Variants in LPAR1 observed in about 807,000 individuals in gnomAD.
LPAR1 encodes lysophosphatidic acid receptor 1.
In LPAR1, 5 loss-of-function variants were observed where a neutral mutation model predicts 23.8. The observed-to-expected ratio is 0.21, with a 90% confidence interval of 0.11 to 0.44. LPAR1 has a LOEUF of 0.44. Among genes scored for constraint, LPAR1 ranks in the 20% least tolerant of loss-of-function variants. The pLI is 0.99. For missense variants in LPAR1, 311 were observed against 482.8 expected (o/e 0.64, Z 3.33); for synonymous variants, 160 against 164.7 (o/e 0.97, Z 0.22).
chr9:111,027,207 G>A (rs1288461228), intron 2 of LPAR1, among the ~76,000 whole-genome samples: 4 of 151,878 alleles, frequency 2.6e-5, no homozygotes, highest in East Asian at 1.9e-4. Context: ...ATTTCAGAAC[G>A]CTCCACCCCA....
intron 4 of LPAR1, among the ~76,000 whole-genome samples, chr9:110,948,911 AAG>A (rs2095479828): frequency 8.5e-6 from 1 of 117,196 alleles, no homozygotes; most frequent in African/African-American, 3.2e-5. Flanking sequence ...TGTGTAGATC[AAG>A]AAAAAAAAAA....
chr9:110,945,938 C>G (rs2095362124), intron 4 of LPAR1, among the ~76,000 whole-genome samples: 1 of 152,180 alleles, frequency 6.6e-6, no homozygotes, highest in Non-Finnish European at 1.5e-5. Flanking sequence ...CTCCCCATCT[C>G]AACATCTTTA....
chr9:110,966,615 T>C (rs1324497135), intron 4 of LPAR1, among the ~76,000 whole-genome samples: 1 of 151,740 alleles, frequency 6.6e-6, no homozygotes, highest in Non-Finnish European at 1.5e-5. Flanking sequence ...TATTTTAGAA[T>C]AAAATAATTT....
chr9:111,015,655 C>A (rs181537751), intron 2 of LPAR1, among the ~76,000 whole-genome samples: 1 of 151,978 alleles, frequency 6.6e-6, no homozygotes, highest in Non-Finnish European at 1.5e-5. Context: ...AGCAGAGTGG[C>A]TAGAGTCAAT....
chr9:110,932,631 A>G (rs2094477307), intron 5 of LPAR1, among the ~76,000 whole-genome samples: 2 of 152,384 alleles, frequency 1.3e-5, no homozygotes, highest in African/African-American at 4.8e-5. Flanking sequence ...GCAGGAGGTG[A>G]GCAGCAGATG....
chr9:110,909,228 T>C (rs1249046452), intron 5 of LPAR1, among the ~76,000 whole-genome samples: 1 of 152,242 alleles, frequency 6.6e-6, no homozygotes, highest in Non-Finnish European at 1.5e-5. Context: ...GCCTTCTTCC[T>C]TGGCAATGCT....
intron 4 of LPAR1, among the ~76,000 whole-genome samples, chr9:110,970,718 A>G (rs1218939418): frequency 1.3e-5 from 2 of 152,146 alleles, no homozygotes; most frequent in Admixed American, 1.3e-4. Context: ...ACCCCTACTT[A>G]AAATACATAC....
At chr9:110,878,822 C>A (rs2079863096) in intron 5 of LPAR1, among the ~76,000 whole-genome samples, 1 of 152,102 alleles carries the variant, frequency 6.6e-6, no homozygotes, top group Non-Finnish European at 1.5e-5. Flanking sequence ...GTGTTTTGGA[C>A]AAGAAAGAGC....
At chr9:110,998,480 C>CA (rs1296663457) in intron 2 of LPAR1, among the ~76,000 whole-genome samples, 2 of 151,946 alleles carry the variant, frequency 1.3e-5, no homozygotes, top group Non-Finnish European at 2.9e-5. Flanking sequence ...TGGACCAGTG[C>CA]AAAAAAGAAC....
chr9:111,013,104 A>T (rs1438076927), intron 2 of LPAR1, among the ~76,000 whole-genome samples: 1 of 152,166 alleles, frequency 6.6e-6, no homozygotes. Context: ...ATTTTTTTTA[A>T]TTCCAGGATA....
intron 4 of LPAR1, among the ~76,000 whole-genome samples, chr9:110,946,324 G>T (rs1457524257): frequency 2.0e-5 from 3 of 152,062 alleles, no homozygotes; most frequent in African/African-American, 7.2e-5. Flanking sequence ...AAAGGTCTCA[G>T]ATTAGTGATT....
At chr9:110,912,630 C>A (rs1000903248) in intron 5 of LPAR1, among the ~76,000 whole-genome samples, 10 of 152,266 alleles carry the variant, frequency 6.6e-5, no homozygotes, top group African/African-American at 2.4e-4. Flanking sequence ...AGGCTTTCAT[C>A]AACTATAGAA....
At chr9:111,028,403 T>C (rs1026883448) in intron 2 of LPAR1, among the ~76,000 whole-genome samples, 7 of 152,142 alleles carry the variant, frequency 4.6e-5, no homozygotes, top group Non-Finnish European at 1.0e-4. Context: ...TCTTAAGTGA[T>C]GGAACTACAC....
chr9:111,003,307 G>C (rs1488278174), intron 2 of LPAR1, among the ~76,000 whole-genome samples: 1 of 152,048 alleles, frequency 6.6e-6, no homozygotes, highest in Admixed American at 6.6e-5. Flanking sequence ...TATCCCTGGA[G>C]TTTAGTAGGC....
chr9:110,915,008 C>A (rs1023096237), intron 5 of LPAR1, among the ~76,000 whole-genome samples: 1 of 151,988 alleles, frequency 6.6e-6, no homozygotes, highest in African/African-American at 2.4e-5. Flanking sequence ...ATAGTGAGGG[C>A]CCCTTTGTGC....
intron 1 of LPAR1, among the ~76,000 whole-genome samples, 163 bp from the exon 2 acceptor site, chr9:111,036,364 C>T (rs1318137563): frequency 6.6e-6 from 1 of 150,708 alleles, no homozygotes; most frequent in African/African-American, 2.5e-5. Context: ...ATTATTGAGT[C>T]CCTTGAGGAA....
intron 2 of LPAR1, among the ~76,000 whole-genome samples, chr9:111,011,403 C>T (rs1023484205): frequency 6.6e-6 from 1 of 152,142 alleles, no homozygotes; most frequent in African/African-American, 2.4e-5. Context: ...CCAAGGCCAG[C>T]CATGAGATCC....
intron 5 of LPAR1, among the ~76,000 whole-genome samples, chr9:110,926,573 G>A (rs2094049187): frequency 6.6e-6 from 1 of 152,104 alleles, no homozygotes; most frequent in Admixed American, 6.5e-5. Flanking sequence ...ATTTTCCTAG[G>A]GTGATAAAAC....
intron 2 of LPAR1, among the ~76,000 whole-genome samples, chr9:110,988,025 G>A (rs2096824317): frequency 6.6e-6 from 1 of 151,926 alleles, no homozygotes; most frequent in Non-Finnish European, 1.5e-5. Flanking sequence ...GGATAAGAAT[G>A]ACAGCAGATT....
Sources: allele counts gnomAD v4.1 joint callset (sites outside exome capture counted in the v4.1 genomes callset), GRCh38; gene constraint gnomAD v4.1.1; transcripts MANE v1.5; gene names NCBI Gene and HGNC (gene_info 2026-07-23, HGNC 2026-07-21).